Variants in FSIP1 observed in about 807,000 individuals in gnomAD.
The protein encoded by FSIP1 is fibrous sheath-interacting protein 1.
Under a neutral mutation model 60.9 loss-of-function variants are expected in FSIP1, and 65 were observed. The ratio of observed to expected loss-of-function variants is 1.07; its 90% CI spans 0.87 to 1.31. The LOEUF is 1.31. FSIP1 is among the 40% of genes most tolerant of loss of function. The pLI is 0.00. For missense variants in FSIP1, 675 were observed against 665.5 expected (o/e 1.01, Z -0.16); for synonymous variants, 209 against 221.2 (o/e 0.94, Z 0.49).
At chr15:39,612,556 TAAAC>T (rs886095282) in intron 11 of FSIP1, among the ~76,000 whole-genome samples, 1 of 151,842 alleles carries the variant, frequency 6.6e-6, no homozygotes, top group Non-Finnish European at 1.5e-5. Flanking sequence ...AAATCTCAAA[TAAAC>T]AATCTAATGT....
intron 10 of FSIP1, among the ~76,000 whole-genome samples, chr15:39,642,280 G>T (rs775716437): frequency 6.6e-6 from 1 of 152,270 alleles, no homozygotes; most frequent in Non-Finnish European, 1.5e-5. Context: ...GAGTCTTAAC[G>T]CAAGTTTCCC....
intron 5 of FSIP1, among the ~76,000 whole-genome samples, chr15:39,743,581 A>C (rs1339152229): frequency 6.6e-6 from 1 of 152,238 alleles, no homozygotes; most frequent in South Asian, 2.1e-4. Flanking sequence ...AATGAACGAT[A>C]AAACTAGTGG....
chr15:39,677,522 T>C (rs758135831), intron 10 of FSIP1, among the ~76,000 whole-genome samples: 28 of 152,076 alleles, frequency 1.8e-4, no homozygotes, highest in African/African-American at 4.8e-5. Flanking sequence ...TTTAAAATTA[T>C]TTTCACACCC....
At chr15:39,727,761 A>G (rs937529779) in intron 8 of FSIP1, among the ~76,000 whole-genome samples, 2 of 152,176 alleles carry the variant, frequency 1.3e-5, no homozygotes, top group African/African-American at 2.4e-5. Context: ...CTCCTATTCA[A>G]CACAGTACTG....
intron 3 of FSIP1, 151 bp from the exon 4 acceptor site, chr15:39,765,897 T>A: frequency 2.1e-6 from 1 of 478,796 alleles, no homozygotes; most frequent in Non-Finnish European, 3.7e-6. Context: ...ATTTACAAGG[T>A]GCTTTCACAT....
chr15:39,704,426 T>A (rs1212409273), intron 10 of FSIP1, among the ~76,000 whole-genome samples: 1 of 152,202 alleles, frequency 6.6e-6, no homozygotes, highest in Non-Finnish European at 1.5e-5. Flanking sequence ...AAAAGATGTA[T>A]ATCCGGTTGG....
At chr15:39,620,249 T>C (rs1042085450) in intron 10 of FSIP1, among the ~76,000 whole-genome samples, 8 of 152,212 alleles carry the variant, frequency 5.3e-5, no homozygotes, top group Admixed American at 3.3e-4. Context: ...TAAATACTGA[T>C]GACTAAGGTA....
At chr15:39,614,617 C>G (rs1171087576) in intron 11 of FSIP1, among the ~76,000 whole-genome samples, 1 of 146,124 alleles carries the variant, frequency 6.8e-6, no homozygotes, top group Non-Finnish European at 1.5e-5. Context: ...TGCACTCCAG[C>G]CTGGGTGACA....
intron 10 of FSIP1, among the ~76,000 whole-genome samples, chr15:39,626,167 C>T (rs1023859188): frequency 6.6e-6 from 1 of 152,150 alleles, no homozygotes; most frequent in Non-Finnish European, 1.5e-5. Flanking sequence ...TAAATGAAAC[C>T]TAAAGAACTT....
At position 39,617,769 on chromosome 15, in the gene FSIP1, A is replaced by T; in HGVS notation, c.1665T>A (p.His555Gln). The T allele has an allele frequency of 1.9e-6, 3 of 1,613,836 alleles. No homozygotes were observed. Among genetic ancestry groups the T allele is most frequent in the Non-Finnish European group, 2.5e-6 (3 of 1,179,852 alleles). ...TATTCTCTGGAGAACTGAGTTTCAGATGTTGGTCTTCTGATGAAAGGCTCA... is the reference window on the plus strand; with the variant it reads ...TATTCTCTGGAGAACTGAGTTTCAGTTGTTGGTCTTCTGATGAAAGGCTCA... The part of the protein sequence containing the change: ...ISVSLSSEDQ[H>Q]LKLSSPENTI... The change falls in exon 11 of 12, where the codon CAT (histidine) becomes CAA (glutamine). Residue 555 changes from histidine (H) to glutamine (Q), a missense_variant. His to Gln is a conservative substitution (Grantham distance 24). Coordinates refer to ENST00000350221, the MANE Select transcript of FSIP1 (RefSeq NM_152597.5).
chr15:39,602,766 GCA>G (rs1465403041), intron 11 of FSIP1, among the ~76,000 whole-genome samples: 2 of 152,122 alleles, frequency 1.3e-5, no homozygotes, highest in Non-Finnish European at 2.9e-5. Context: ...ATCCTTGGAG[GCA>G]CAACTTAAAT....
intron 4 of FSIP1, among the ~76,000 whole-genome samples, chr15:39,765,209 G>A (rs1270971338): frequency 1.4e-5 from 2 of 147,322 alleles, no homozygotes; most frequent in Non-Finnish European, 3.0e-5. Flanking sequence ...CATGGTCCAT[G>A]ATTTTCTTAC....
intron 10 of FSIP1, among the ~76,000 whole-genome samples, chr15:39,668,658 C>G (rs948133506): frequency 6.6e-6 from 1 of 152,162 alleles, no homozygotes; most frequent in East Asian, 1.9e-4. Flanking sequence ...TCAGAGTGAC[C>G]GTGTCACTTG....
At chr15:39,616,349 T>C (rs1465418164) in intron 11 of FSIP1, among the ~76,000 whole-genome samples, 4 of 152,316 alleles carry the variant, frequency 2.6e-5, no homozygotes, top group East Asian at 1.9e-4. Flanking sequence ...AATTGCAAGA[T>C]AGAGTCTCTG....
At position 39,758,713 on chromosome 15, in the gene FSIP1, TGTA is replaced by T. The variant is rs58061888; in HGVS notation, c.559+5105_559+5107del. Among the ~76,000 whole-genome samples the T allele has an allele frequency of 8.1e-3, 1,235 of 152,190 alleles. 15 individuals are homozygous for T. The highest frequency in any genetic ancestry group is 0.028 in the African/African-American group (1,164 of 41,534). ...TTACAATCTCTTTTTTAAAAAATAA[TGTA>T]GTCATTGCTAAACTCAGAAAAAAAA... On this transcript the variant is annotated intron_variant, in intron 5 of 11. Transcript: ENST00000350221.
intron 10 of FSIP1, among the ~76,000 whole-genome samples, chr15:39,665,764 G>A (rs1458828425): frequency 2.0e-5 from 3 of 152,004 alleles, no homozygotes; most frequent in African/African-American, 7.2e-5. Context: ...AAAAGTGCAG[G>A]GGTGGGTGGA....
At chr15:39,723,920 G>A (rs1377620103) in intron 9 of FSIP1, among the ~76,000 whole-genome samples, 1 of 152,156 alleles carries the variant, frequency 6.6e-6, no homozygotes, top group Non-Finnish European at 1.5e-5. Flanking sequence ...GTGTAATGCT[G>A]GTTTTAGTTA....
intron 10 of FSIP1, among the ~76,000 whole-genome samples, chr15:39,679,346 G>C (rs951982898): frequency 6.6e-6 from 1 of 152,170 alleles, no homozygotes; most frequent in Admixed American, 6.5e-5. Context: ...TGTCTGACCT[G>C]TTGCGCCGAC....
At chr15:39,758,758 A>G (rs910260571) in intron 5 of FSIP1, among the ~76,000 whole-genome samples, 4 of 152,184 alleles carry the variant, frequency 2.6e-5, no homozygotes, top group Admixed American at 6.5e-5. Context: ...TGAGAAAACC[A>G]TGTTATTCCA....
Sources: gnomAD v4.1 joint callset for allele counts (sites outside exome capture counted in the v4.1 genomes callset) on GRCh38, gnomAD v4.1.1 for gene constraint, MANE v1.5 for transcripts, NCBI Gene and HGNC (gene_info 2026-07-23, HGNC 2026-07-21) for gene names.